FYTTD1: variants seen among roughly 807,000 people sequenced by gnomAD.
The protein encoded by FYTTD1 is UAP56-interacting factor.
A neutral mutation model predicts 40.9 loss-of-function variants in FYTTD1; 22 were observed. The ratio of observed to expected loss-of-function variants is 0.54; its 90% CI spans 0.38 to 0.77. FYTTD1 has a LOEUF of 0.77. Ranked by LOEUF, FYTTD1 falls within the 30% of genes least tolerant of loss-of-function variation. The pLI is 0.00. For synonymous variants in FYTTD1, 140 were observed against 137.9 expected, an observed-to-expected ratio of 1.01 and a Z score of -0.10; for missense variants, 351 against 392.2, an observed-to-expected ratio of 0.90 and a Z score of 0.89.
chr3:197,757,921 G>A (rs949216669), intron 2 of FYTTD1, among the ~76,000 whole-genome samples: 2 of 151,706 alleles, frequency 1.3e-5, no homozygotes, highest in Non-Finnish European at 2.9e-5. Context: ...ATTTTTTTTT[G>A]AGACGGAGTT....
chr3:197,749,897 C>A lies in FYTTD1; in HGVS notation c.-75C>A. 1.1e-6 allele frequency: 1 copy of A among 916,620 alleles called. No homozygotes were observed. Among genetic ancestry groups the A allele is most frequent in the Non-Finnish European group, 1.6e-6 (1 of 644,206 alleles). 56.8% of individuals were successfully genotyped at this position (916,620 alleles called of 1,614,324 possible). On this transcript the variant is annotated 5_prime_UTR_variant, in exon 1 of 9. Coordinates refer to ENST00000241502, the MANE Select transcript of FYTTD1 (RefSeq NM_032288.7). ...CGCGCTCCCTCGGTGCGGCGGGCTG[C>A]GTGCGCGAGTGGGAGGTGGCAGGCC...
rs926405660 is a variant in FYTTD1 at position 197,773,383 on chromosome 3, C to T, written c.498-20C>T. On this transcript the variant is annotated intron_variant, in intron 4 of 8. Coordinates refer to ENST00000241502, the MANE Select transcript of FYTTD1 (RefSeq NM_032288.7). Reference sequence around the variant, plus strand: ...AAAGTAGTTAAATGGCTTAGCATGGCCTATGTGTTTTTGTTGCAGAAATAA... The same window carrying T: ...AAAGTAGTTAAATGGCTTAGCATGGTCTATGTGTTTTTGTTGCAGAAATAA... 2.8e-6 allele frequency: 4 copies of T among 1,429,924 alleles called. No individual in the cohort carries two copies. The African/African-American group carries it at 5.6e-5, about 20-fold the overall frequency. 88.6% of individuals were successfully genotyped at this position (1,429,924 alleles called of 1,614,324 possible).
At chr3:197,755,776 C>T (rs775144728) in intron 1 of FYTTD1, 43 of 1,550,018 alleles carry the variant, frequency 2.8e-5, no homozygotes, top group Non-Finnish European at 2.6e-6. Context: ...GTGTGAGTCA[C>T]CATGCCTGGC....
chr3:197,751,604 C>T (rs1240901176), intron 1 of FYTTD1, among the ~76,000 whole-genome samples: 1 of 152,144 alleles, frequency 6.6e-6, no homozygotes, highest in Non-Finnish European at 1.5e-5. Context: ...TGCACTCCAG[C>T]CTGGGCGGCA....
At chr3:197,781,772 G>C (rs1730034099) in intron 8 of FYTTD1, 39 bp from the exon 9 acceptor site, 2 of 1,442,112 alleles carry the variant, frequency 1.4e-6, no homozygotes, top group Non-Finnish European at 1.9e-6. Context: ...GTTGTTAATT[G>C]TTGCTTTGTT....
chr3:197,766,482 TCACCCCAGCCTG>T (rs1560496507), intron 2 of FYTTD1, among the ~76,000 whole-genome samples: 17 of 118,474 alleles, frequency 1.4e-4, no homozygotes, highest in African/African-American at 5.0e-4. Context: ...TCTTGCTCTG[TCACCCCAGCCTG>T]GAGTACAGTG....
At chr3:197,766,712 G>T (rs915192157) in intron 2 of FYTTD1, among the ~76,000 whole-genome samples, 1 of 151,978 alleles carries the variant, frequency 6.6e-6, no homozygotes, top group Non-Finnish European at 1.5e-5. Flanking sequence ...CAAAGTGCTG[G>T]GATTATAGGC....
chr3:197,760,285 T>G (rs1276245882), intron 2 of FYTTD1, among the ~76,000 whole-genome samples: 1 of 152,174 alleles, frequency 6.6e-6, no homozygotes, highest in African/African-American at 2.4e-5. Flanking sequence ...TACAGAGTTG[T>G]TCTTTAGCGG....
At chr3:197,774,252 C>T (rs2109051627) in intron 6 of FYTTD1, 42 bp downstream of exon 6, 1 of 1,473,206 alleles carries the variant, frequency 6.8e-7, no homozygotes, top group Non-Finnish European at 9.5e-7. Context: ...TTCAAAACTC[C>T]CAGAATACTA....
intron 4 of FYTTD1, among the ~76,000 whole-genome samples, chr3:197,772,646 G>T (rs1729753025): frequency 6.6e-6 from 1 of 152,138 alleles, no homozygotes; most frequent in Non-Finnish European, 1.5e-5. Flanking sequence ...TGAAGTCTGT[G>T]TCGCTGGGCT....
chr3:197,758,768 T>A (rs2109038804), intron 2 of FYTTD1, among the ~76,000 whole-genome samples: 1 of 152,334 alleles, frequency 6.6e-6, no homozygotes, highest in East Asian at 1.9e-4. Context: ...TAGAGGATTG[T>A]CTTAAACTCT....
At chr3:197,752,654 A>G (rs1163227488) in intron 1 of FYTTD1, among the ~76,000 whole-genome samples, 6 of 151,920 alleles carry the variant, frequency 3.9e-5, no homozygotes, top group Non-Finnish European at 8.8e-5. Context: ...CACTATATAT[A>G]TGTGTATGTA....
At chr3:197,767,288 G>A (rs1487833423) in intron 2 of FYTTD1, among the ~76,000 whole-genome samples, 3 of 151,684 alleles carry the variant, frequency 2.0e-5, no homozygotes, top group South Asian at 2.1e-4. Context: ...ACAGGCACCC[G>A]CCACCACGCC....
At chr3:197,765,460 A>G (rs1215028393) in intron 2 of FYTTD1, among the ~76,000 whole-genome samples, 1 of 152,170 alleles carries the variant, frequency 6.6e-6, no homozygotes, top group Non-Finnish European at 1.5e-5. Flanking sequence ...GTCATTGTAT[A>G]TTGGAATTAA....
chr3:197,751,119 A>T (rs1045248733), intron 1 of FYTTD1, among the ~76,000 whole-genome samples: 1 of 152,154 alleles, frequency 6.6e-6, no homozygotes, highest in Non-Finnish European at 1.5e-5. Flanking sequence ...CTTTAGAGTG[A>T]TAACTGTCTT....
chr3:197,749,970 C>T lies in FYTTD1; in HGVS notation c.-2C>T, dbSNP rs140342002. 8 of 1,576,324 alleles carry T rather than the reference C, an allele frequency of 5.1e-6. No homozygotes were observed. The highest frequency in any genetic ancestry group is 6.9e-6 in the Non-Finnish European group (8 of 1,162,956). Reference sequence around the variant, plus strand: ...CCCGCTCTCGGCGCGACGTCTCCAGCCATGAACCGGTTTGGTACCCGGTTG... The same window carrying T: ...CCCGCTCTCGGCGCGACGTCTCCAGTCATGAACCGGTTTGGTACCCGGTTG... On this transcript the variant is annotated 5_prime_UTR_variant, in exon 1 of 9. Transcript: ENST00000241502.
chr3:197,758,389 T>A (rs541274579), intron 2 of FYTTD1, among the ~76,000 whole-genome samples: 1 of 152,170 alleles, frequency 6.6e-6, no homozygotes, highest in East Asian at 1.9e-4. Flanking sequence ...CTAAACTGAT[T>A]GGGTCCTAGG....
At chr3:197,752,363 A>C (rs1729085038) in intron 1 of FYTTD1, among the ~76,000 whole-genome samples, 1 of 152,214 alleles carries the variant, frequency 6.6e-6, no homozygotes, top group Non-Finnish European at 1.5e-5. Context: ...TGTTTACCAC[A>C]TAGGGTTGCT....
chr3:197,778,246 T>C, intron 7 of FYTTD1, 92 bp from the exon 8 acceptor site: 1 of 974,030 alleles, frequency 1.0e-6, no homozygotes, highest in Non-Finnish European at 1.5e-6. Flanking sequence ...CTAATACATT[T>C]GAACATGTGT....
Sources: allele counts gnomAD v4.1 joint callset (sites outside exome capture counted in the v4.1 genomes callset), GRCh38; gene constraint gnomAD v4.1.1; transcripts MANE v1.5; gene names NCBI Gene and HGNC (gene_info 2026-07-23, HGNC 2026-07-21).